Variants in SV2C observed in about 807,000 individuals in gnomAD.
SV2C encodes the protein solute carrier family 22 member B3.
Under a neutral mutation model 79.7 loss-of-function variants are expected in SV2C, and 49 were observed. The observed-to-expected ratio is 0.61, with a 90% CI of 0.49 to 0.78. The LOEUF (loss-of-function observed/expected upper bound fraction) is 0.78. SV2C is among the 30% of genes least tolerant of loss of function. The pLI, the probability that SV2C is intolerant of heterozygous loss-of-function variation, is 0.00. For synonymous variants in SV2C, 334 were observed against 333.2 expected, an observed-to-expected ratio of 1.00 and a Z score of -0.03; for missense variants, 833 against 912.9, an observed-to-expected ratio of 0.91 and a Z score of 1.13.
chr5:76,306,408 G>A (rs1245552696), intron 12 of SV2C, among the ~76,000 whole-genome samples: 3 of 152,108 alleles, frequency 2.0e-5, no homozygotes, highest in Non-Finnish European at 4.4e-5. Context: ...GGGAACTGGG[G>A]ATGAAGACCA....
At chr5:75,907,460 T>C in the SV2C span, among the ~76,000 whole-genome samples, 6 of 152,206 alleles carry the variant, frequency 3.9e-5, no homozygotes, top group East Asian at 1.2e-3. Flanking sequence ...TTGCAGGCTA[T>C]GGAGCAGCGC....
intron 12 of SV2C, among the ~76,000 whole-genome samples, chr5:76,306,228 TTTTTA>T (rs1278293752): frequency 2.0e-5 from 3 of 152,142 alleles, no homozygotes; most frequent in Non-Finnish European, 2.9e-5. Flanking sequence ...ATTTTATTTT[TTTTTA>T]TTTTAAGAGA....
the SV2C span, among the ~76,000 whole-genome samples, chr5:75,850,637 TAA>T: frequency 0.5 from 75,191 of 149,128 alleles, 19,330 homozygotes; most frequent in East Asian, 0.65. Context: ...TAAAGTATAA[TAA>T]AAAAAAAAGC....
chr5:75,976,299 C>A, the SV2C span, among the ~76,000 whole-genome samples: 1 of 152,124 alleles, frequency 6.6e-6, no homozygotes, highest in African/African-American at 2.4e-5. Flanking sequence ...CTCTTTCTCT[C>A]TCTCTCTGGA....
intron 4 of SV2C, among the ~76,000 whole-genome samples, chr5:76,258,412 G>C (rs570013584): frequency 3.2e-4 from 49 of 152,266 alleles, no homozygotes; most frequent in Non-Finnish European, 6.2e-4. Context: ...CTCTTCAGGA[G>C]CTATCTTAGT....
chr5:76,191,698 C>T (rs1744108242), intron 2 of SV2C, among the ~76,000 whole-genome samples: 1 of 152,146 alleles, frequency 6.6e-6, no homozygotes, highest in African/African-American at 2.4e-5. Context: ...TCAGAAAATA[C>T]CTTAATGAGG....
At chr5:76,038,097 C>A in the SV2C span, among the ~76,000 whole-genome samples, 3,818 of 152,334 alleles carry the variant, frequency 0.025, 176 homozygotes, top group African/African-American at 0.088. Context: ...TGCCGTGCTT[C>A]GGCTCACGCA....
chr5:75,919,000 C>T, the SV2C span, among the ~76,000 whole-genome samples: 62 of 152,242 alleles, frequency 4.1e-4, no homozygotes, highest in African/African-American at 1.1e-3. Flanking sequence ...TTAAACATTC[C>T]GGCAGAATTC....
the SV2C span, among the ~76,000 whole-genome samples, chr5:76,009,097 A>C: frequency 6.6e-6 from 1 of 152,188 alleles, no homozygotes; most frequent in African/African-American, 2.4e-5. Flanking sequence ...TGGAATGCTC[A>C]ATATCCTTCC....
the SV2C span, among the ~76,000 whole-genome samples, chr5:75,916,421 C>G: frequency 1.4e-5 from 2 of 146,614 alleles, no homozygotes; most frequent in Non-Finnish European, 3.0e-5. Context: ...TCCTCCACCT[C>G]CTCTTCTTCC....
At chr5:76,173,550 A>G (rs371960236) in intron 2 of SV2C, 2 of 1,430,580 alleles carry the variant, frequency 1.4e-6, no homozygotes, top group Non-Finnish European at 9.9e-7. Flanking sequence ...GGTAGGTTTA[A>G]CAAAGTTGGA....
the SV2C span, among the ~76,000 whole-genome samples, chr5:75,895,515 C>A: frequency 6.6e-6 from 1 of 152,038 alleles, no homozygotes; most frequent in Non-Finnish European, 1.5e-5. Flanking sequence ...GGGGAGGAAG[C>A]ATGATGGTGG....
the SV2C span, among the ~76,000 whole-genome samples, chr5:75,897,202 G>T: frequency 6.6e-6 from 1 of 151,236 alleles, no homozygotes; most frequent in Non-Finnish European, 1.5e-5. Context: ...ATGGTTTTAG[G>T]TCTAACATGT....
the SV2C span, among the ~76,000 whole-genome samples, chr5:75,909,115 T>C: frequency 6.6e-6 from 1 of 152,214 alleles, no homozygotes; most frequent in African/African-American, 2.4e-5. Flanking sequence ...GGCTCCAGAA[T>C]CCAGGTTTCC....
chr5:76,163,448 T>C (rs1405172136), intron 2 of SV2C, among the ~76,000 whole-genome samples: 1 of 152,250 alleles, frequency 6.6e-6, no homozygotes, highest in Non-Finnish European at 1.5e-5. Context: ...GCTTGCATAG[T>C]ATAAATCAGC....
Position 76,112,325 on chromosome 5 carries a change from C to T in SV2C, c.-101-19325C>T, listed in dbSNP as rs575314716. Among the ~76,000 whole-genome samples, 8 of 152,224 alleles carry T rather than the reference C, an allele frequency of 5.3e-5. No individual in the cohort carries two copies. In the South Asian group the frequency reaches 1.7e-3, roughly 32 times the overall value. On this transcript the variant is annotated intron_variant, in intron 1 of 12. Transcript: ENST00000502798. ...TGTAGAGGTGACATTTGAAAGAACA[C>T]CAAAAGGAAGTGCAGGAGGGAGGCC...
chr5:75,920,857 T>A, the SV2C span: 1 of 760,832 alleles, frequency 1.3e-6, no homozygotes, highest in Admixed American at 1.7e-5. Flanking sequence ...ACAGGGTGAA[T>A]CTTATTGTAA....
At chr5:76,044,216 C>CAT in the SV2C span, among the ~76,000 whole-genome samples, 2 of 152,152 alleles carry the variant, frequency 1.3e-5, no homozygotes, top group Non-Finnish European at 2.9e-5. Flanking sequence ...CAGCTCTATC[C>CAT]ATATCCCTGC....
chr5:75,853,381 C>G, the SV2C span, among the ~76,000 whole-genome samples: 1 of 151,396 alleles, frequency 6.6e-6, no homozygotes, highest in Non-Finnish European at 1.5e-5. Flanking sequence ...ACGGTGAAAC[C>G]CTGTCTCTAC....
Sources: allele counts gnomAD v4.1 joint callset (sites outside exome capture counted in the v4.1 genomes callset), GRCh38; gene constraint gnomAD v4.1.1; transcripts MANE v1.5; gene names NCBI Gene and HGNC (gene_info 2026-07-23, HGNC 2026-07-21).